Variants in ZFHX3 observed in about 807,000 individuals in gnomAD.
ZFHX3 encodes the protein zinc finger homeobox protein 3.
A neutral mutation model predicts 279.1 loss-of-function variants in ZFHX3; 42 were observed. That is an observed-to-expected ratio of 0.15 (90% confidence interval 0.12 to 0.19). The LOEUF is 0.19. ZFHX3 is among the 10% of genes least tolerant of loss of function. ZFHX3 has a pLI of 1.00. For synonymous variants in ZFHX3, 2,293 were observed against 1,957.8 expected (o/e 1.17, Z -4.52); for missense variants, 4,981 against 4,754.0 (o/e 1.05, Z -1.40).
At chr16:72,927,109 A>G (rs903618736) in intron 3 of ZFHX3, among the ~76,000 whole-genome samples, 1 of 152,118 alleles carries the variant, frequency 6.6e-6, no homozygotes, top group Admixed American at 6.5e-5. Flanking sequence ...TAGAATTTGA[A>G]CATTCAGAAC....
At position 72,796,733 on chromosome 16, in the gene ZFHX3, G is replaced by A. The variant is rs754722414; in HGVS notation, c.5949C>T (p.Leu1983=). ...KTDQGENLEK[L]ECDSCGKLFS... is the part of the protein sequence containing the mutation. Reference sequence around the variant, plus strand: ...ACAACTTGCCGCAGGAGTCACACTCGAGCTTTTCCAGGTTCTCTCCCTGGT... The same window carrying A: ...ACAACTTGCCGCAGGAGTCACACTCAAGCTTTTCCAGGTTCTCTCCCTGGT... Residue 1983 remains leucine (L), a synonymous_variant, in exon 9 of 10, where the codon CTC becomes CTT. Coordinates refer to ENST00000268489, the MANE Select transcript of ZFHX3 (RefSeq NM_006885.4). The A allele has an allele frequency of 1.8e-5, 29 of 1,613,632 alleles. No homozygotes were observed. The South Asian group carries it at 1.9e-4, about 10-fold the overall frequency.
chr16:73,873,703 C>T (rs1262060988), intron 1 of ZFHX3, among the ~76,000 whole-genome samples: 1 of 152,076 alleles, frequency 6.6e-6, no homozygotes, highest in African/African-American at 2.4e-5. Context: ...TGCTATGACT[C>T]TTTAGAAAGG....
chr16:73,214,251 C>T (rs1400737583), intron 5 of ZFHX3, among the ~76,000 whole-genome samples: 1 of 152,196 alleles, frequency 6.6e-6, no homozygotes, highest in African/African-American at 2.4e-5. Context: ...CTGTAGCTTA[C>T]ACACAGTTCA....
At chr16:73,133,238 G>T (rs564207110) in intron 6 of ZFHX3, among the ~76,000 whole-genome samples, 1 of 152,054 alleles carries the variant, frequency 6.6e-6, no homozygotes, top group African/African-American at 2.4e-5. Context: ...GAGGTAATTC[G>T]GGGCTGGGCG....
At chr16:73,441,996 T>A (rs995423955) in intron 3 of ZFHX3, among the ~76,000 whole-genome samples, 1 of 152,138 alleles carries the variant, frequency 6.6e-6, no homozygotes, top group Non-Finnish European at 1.5e-5. Flanking sequence ...TGTCTTGGGA[T>A]TCACTCTTAA....
chr16:73,752,383 G>A (rs1236678176), intron 1 of ZFHX3, among the ~76,000 whole-genome samples: 2 of 152,138 alleles, frequency 1.3e-5, no homozygotes, highest in Non-Finnish European at 1.5e-5. Flanking sequence ...GCATGAAAAC[G>A]CACTGGCTCA....
rs1316229836 is a variant in ZFHX3 at position 72,889,751 on chromosome 16, C to T, written c.3428G>A (p.Arg1143Lys). ...CTCACCTGGGTCCGTGGAGGGGCACCTGCGGATGGTGAAGATCTGCCCCAG... is the reference window on the plus strand; with the variant it reads ...CTCACCTGGGTCCGTGGAGGGGCACTTGCGGATGGTGAAGATCTGCCCCAG... ...EDLGQIFTIR[R>K]CPSTDPEEAI... The change falls in exon 4 of 10, where the codon AGG becomes AAG. Residue 1143 changes from arginine to lysine, a missense_variant. By Grantham distance (26) the Arg-to-Lys change is conservative. This residue lies in a region of ZFHX3 where 1,751 missense variants were observed against 1,770.0 expected (regional missense o/e 0.99). Transcript: ENST00000268489. 1 of 1,612,592 alleles carries T rather than the reference C, an allele frequency of 6.2e-7. No individual in the cohort carries two copies.
At chr16:73,187,951 C>T (rs953468414) in intron 5 of ZFHX3, among the ~76,000 whole-genome samples, 2 of 151,938 alleles carry the variant, frequency 1.3e-5, no homozygotes, top group East Asian at 3.9e-4. Flanking sequence ...CTCCGCCTCC[C>T]AGGTTCATGC....
intron 1 of ZFHX3, among the ~76,000 whole-genome samples, chr16:73,690,678 A>G (rs2053140043): frequency 1.3e-5 from 2 of 152,222 alleles, no homozygotes. Context: ...GAAGCTTGAA[A>G]ATAAATTGTG....
chr16:73,114,849 G>T (rs1966413654), intron 7 of ZFHX3, among the ~76,000 whole-genome samples: 3 of 152,100 alleles, frequency 2.0e-5, no homozygotes, highest in Admixed American at 2.0e-4. Context: ...AAAGAGATGG[G>T]GTCTTGCTGT....
intron 2 of ZFHX3, among the ~76,000 whole-genome samples, chr16:73,502,109 T>G (rs2019249440): frequency 6.6e-6 from 1 of 150,788 alleles, no homozygotes; most frequent in African/African-American, 2.4e-5. Context: ...TAATCGGGGG[T>G]GGGGGAAAAA....
At chr16:73,536,329 A>G (rs863755) in intron 2 of ZFHX3, among the ~76,000 whole-genome samples, 139,694 of 152,250 alleles carry the variant, frequency 0.92, 64,110 homozygotes, top group East Asian at 0.99. Context: ...TCACACCAGG[A>G]AAAAATAATA....
At chr16:73,004,855 C>G (rs1352314870) in intron 1 of ZFHX3, among the ~76,000 whole-genome samples, 7 of 152,150 alleles carry the variant, frequency 4.6e-5, no homozygotes, top group Non-Finnish European at 2.9e-5. Context: ...CCTATATTTT[C>G]TTCTAGCTCT....
At chr16:72,979,545 T>C (rs1224482071) in intron 1 of ZFHX3, among the ~76,000 whole-genome samples, 1 of 152,210 alleles carries the variant, frequency 6.6e-6, no homozygotes, top group East Asian at 1.9e-4. Context: ...GTGATGGCAA[T>C]GTGTCCAACC....
upstream of ZFHX3, among the ~76,000 whole-genome samples, chr16:73,049,994 A>G (rs1222203451): frequency 6.6e-6 from 1 of 152,220 alleles, no homozygotes; most frequent in African/African-American, 2.4e-5. Context: ...TGCCTCTGGC[A>G]ATCTCTCCGG....
intron 7 of ZFHX3, among the ~76,000 whole-genome samples, chr16:73,109,036 A>T (rs1966339146): frequency 6.6e-6 from 1 of 152,210 alleles, no homozygotes; most frequent in African/African-American, 2.4e-5. Context: ...CTGTTGTTCC[A>T]GCACAAGGCT....
At chr16:73,361,661 C>T (rs1045469732) in intron 3 of ZFHX3, among the ~76,000 whole-genome samples, 1 of 152,188 alleles carries the variant, frequency 6.6e-6, no homozygotes, top group Non-Finnish European at 1.5e-5. Context: ...CTCCTTCCCC[C>T]CACTGTAAAA....
chr16:73,324,745 C>T (rs2015646320), intron 3 of ZFHX3, among the ~76,000 whole-genome samples: 1 of 152,126 alleles, frequency 6.6e-6, no homozygotes, highest in Non-Finnish European at 1.5e-5. Context: ...GATTTCAGGT[C>T]CTCTGGCAGG....
chr16:72,969,094 A>G (rs922105897), intron 1 of ZFHX3, among the ~76,000 whole-genome samples: 21 of 152,172 alleles, frequency 1.4e-4, no homozygotes, highest in Non-Finnish European at 2.9e-4. Context: ...TGTTAAAAGA[A>G]AAAGAAACTG....
Sources: allele counts gnomAD v4.1 joint callset (sites outside exome capture counted in the v4.1 genomes callset), GRCh38; gene constraint gnomAD v4.1.1; regional missense constraint gnomAD v4.1.1; transcripts MANE v1.5; gene names NCBI Gene and HGNC (gene_info 2026-07-23, HGNC 2026-07-21).